LRRC4C: variants seen among roughly 807,000 people sequenced by gnomAD.
LRRC4C encodes leucine-rich repeat-containing protein 4C.
Under a neutral mutation model 33.6 loss-of-function variants are expected in LRRC4C, and 5 were observed. The ratio of observed to expected loss-of-function variants is 0.15; its 90% CI spans 0.08 to 0.31. The LOEUF is 0.31. LRRC4C is among the 10% of genes least tolerant of loss of function. LRRC4C has a pLI of 1.00. For synonymous variants in LRRC4C, 329 were observed against 302.0 expected, an observed-to-expected ratio of 1.09 and a Z score of -0.93; for missense variants, 560 against 796.7, an observed-to-expected ratio of 0.70 and a Z score of 3.58.
intron 1 of LRRC4C, among the ~76,000 whole-genome samples, chr11:41,420,763 C>T (rs1324955603): frequency 1.3e-5 from 2 of 151,946 alleles, no homozygotes; most frequent in Non-Finnish European, 2.9e-5. Flanking sequence ...TTAAGAGATT[C>T]TCTAAAGAGT....
At chr11:41,260,499 G>A (rs1288814997) in intron 1 of LRRC4C, among the ~76,000 whole-genome samples, 1 of 151,958 alleles carries the variant, frequency 6.6e-6, no homozygotes, top group Non-Finnish European at 1.5e-5. Flanking sequence ...AAGGATGCCA[G>A]GTGGAATACA....
intron 2 of LRRC4C, among the ~76,000 whole-genome samples, chr11:40,863,928 T>C (rs1057317140): frequency 6.6e-6 from 1 of 151,756 alleles, no homozygotes; most frequent in African/African-American, 2.4e-5. Flanking sequence ...CAGCAAACAT[T>C]GCATGTTCTC....
intron 3 of LRRC4C, among the ~76,000 whole-genome samples, chr11:40,511,713 C>A (rs898557335): frequency 1.3e-5 from 2 of 152,114 alleles, no homozygotes; most frequent in Non-Finnish European, 2.9e-5. Context: ...ATAAGTACAG[C>A]AAAGAAGCAA....
At chr11:41,390,423 C>T (rs775422093) in intron 1 of LRRC4C, among the ~76,000 whole-genome samples, 2 of 151,816 alleles carry the variant, frequency 1.3e-5, no homozygotes, top group Admixed American at 6.6e-5. Flanking sequence ...CAGAATCTTG[C>T]ATAATCTAGT....
chr11:40,133,275 T>C (rs756751118), intron 6 of LRRC4C, among the ~76,000 whole-genome samples: 12 of 152,292 alleles, frequency 7.9e-5, no homozygotes, highest in African/African-American at 2.9e-4. Context: ...ATTTTTATAA[T>C]GAGCAATGCA....
At chr11:41,438,073 T>TA (rs1157539481) in intron 1 of LRRC4C, among the ~76,000 whole-genome samples, 15 of 60,080 alleles carry the variant, frequency 2.5e-4, no homozygotes, top group Admixed American at 7.9e-4. Context: ...AAATAAATAA[T>TA]AAAAAAAAAT....
intron 1 of LRRC4C, among the ~76,000 whole-genome samples, chr11:41,377,498 A>T (rs549663052): frequency 6.6e-6 from 1 of 152,202 alleles, no homozygotes; most frequent in South Asian, 2.1e-4. Flanking sequence ...GATCAGGAAA[A>T]AAACAACGAT....
At chr11:40,739,639 G>A (rs1948062188) in intron 2 of LRRC4C, among the ~76,000 whole-genome samples, 1 of 151,978 alleles carries the variant, frequency 6.6e-6, no homozygotes, top group Non-Finnish European at 1.5e-5. Context: ...CATCATGGTG[G>A]CGGTTTCCCC....
At chr11:41,377,135 G>A (rs1318996762) in intron 1 of LRRC4C, among the ~76,000 whole-genome samples, 1 of 152,158 alleles carries the variant, frequency 6.6e-6, no homozygotes, top group Non-Finnish European at 1.5e-5. Flanking sequence ...CTATGACTGT[G>A]TCAGTAAAAG....
chr11:40,459,817 G>A (rs1952307380), intron 3 of LRRC4C, among the ~76,000 whole-genome samples: 1 of 152,158 alleles, frequency 6.6e-6, no homozygotes, highest in African/African-American at 2.4e-5. Flanking sequence ...GTGCCACAGA[G>A]CAAGAGCAGC....
chr11:41,282,742 C>A (rs952871301), intron 1 of LRRC4C, among the ~76,000 whole-genome samples: 13 of 152,090 alleles, frequency 8.5e-5, no homozygotes, highest in Non-Finnish European at 1.6e-4. Flanking sequence ...ATATATGTGG[C>A]CTTTAGGAAG....
intron 6 of LRRC4C, 128 bp downstream of exon 6, chr11:40,140,673 T>C (rs779504913): frequency 1.3e-5 from 2 of 152,470 alleles, no homozygotes; most frequent in Admixed American, 6.6e-5. Flanking sequence ...TCCCACAAAT[T>C]GCTCGTGCTA....
At chr11:40,154,255 T>C (rs1858473636) in intron 5 of LRRC4C, among the ~76,000 whole-genome samples, 1 of 148,676 alleles carries the variant, frequency 6.7e-6, no homozygotes, top group Admixed American at 6.7e-5. Flanking sequence ...CCATTACCAT[T>C]TGCCTATAAA....
In LRRC4C at chr11:40,568,675, G is replaced by T. The variant is rs116926895; in HGVS notation, c.-270+79467C>A. On this transcript the variant is annotated intron_variant, in intron 3 of 6. Transcript: ENST00000528697. ...CTGAACACCCACTATGTAGCACACA[G>T]CCAGGAGAAATTAATAGTAGCCCTA... 1.9e-3 allele frequency among the ~76,000 whole-genome samples: 294 copies of T among 152,202 alleles called. 1 individual carries two copies. The highest frequency in any genetic ancestry group is 0.01 in the Middle Eastern group (3 of 294).
chr11:40,279,064 A>T (rs1165037812), intron 4 of LRRC4C, among the ~76,000 whole-genome samples: 1 of 152,198 alleles, frequency 6.6e-6, no homozygotes, highest in Non-Finnish European at 1.5e-5. Context: ...CTATGCCAAG[A>T]GAAATATAGG....
intron 3 of LRRC4C, among the ~76,000 whole-genome samples, chr11:40,434,222 T>G (rs1381106912): frequency 6.6e-6 from 1 of 152,186 alleles, no homozygotes. Flanking sequence ...GGCAATGCAC[T>G]TAAAAATCTT....
intron 1 of LRRC4C, among the ~76,000 whole-genome samples, chr11:41,070,534 T>C (rs528201470): frequency 6.6e-6 from 1 of 152,204 alleles, no homozygotes; most frequent in South Asian, 2.1e-4. Flanking sequence ...AAAGGTCTAA[T>C]ATCCAGAATC....
intron 1 of LRRC4C, among the ~76,000 whole-genome samples, chr11:41,417,194 C>T (rs1259961223): frequency 9.2e-5 from 14 of 151,980 alleles, no homozygotes; most frequent in Admixed American, 9.2e-4. Context: ...GATATATACT[C>T]AGTGACAACA....
intron 1 of LRRC4C, among the ~76,000 whole-genome samples, chr11:41,198,496 C>T (rs1043941260): frequency 1.3e-5 from 2 of 151,892 alleles, no homozygotes; most frequent in Non-Finnish European, 2.9e-5. Flanking sequence ...GCAGCTTTTG[C>T]TTTGAGGAGG....
Sources: allele counts gnomAD v4.1 joint callset (sites outside exome capture counted in the v4.1 genomes callset), GRCh38; gene constraint gnomAD v4.1.1; transcripts MANE v1.5; gene names NCBI Gene and HGNC (gene_info 2026-07-23, HGNC 2026-07-21).